ACSF3: variants seen among roughly 807,000 people sequenced by gnomAD.
ACSF3 encodes the protein malonate--CoA ligase ACSF3, mitochondrial.
Under a neutral mutation model 53.2 loss-of-function variants are expected in ACSF3, and 78 were observed. That is an observed-to-expected ratio of 1.47 (90% CI 1.22 to 1.77). The LOEUF (loss-of-function observed/expected upper bound fraction) is 1.77. Ranked by LOEUF, ACSF3 falls within the 40% of genes most tolerant of loss-of-function variation. ACSF3 has a pLI of 0.00. For missense variants in ACSF3, 937 were observed against 771.1 expected (o/e 1.22, Z -2.55); for synonymous variants, 414 against 333.1 (o/e 1.24, Z -2.65).
rs756311395 is a variant in ACSF3, at chr16:89,145,383, G to A, written c.1483G>A (p.Ala495Thr). Residue 495 changes from alanine (A) to threonine (T), a missense_variant, in exon 9 of 11, where the codon GCC (alanine) becomes ACC (threonine). Ala to Thr is a moderately conservative substitution (Grantham distance 58). Coordinates refer to ENST00000614302, the MANE Select transcript of ACSF3 (RefSeq NM_001243279.3). ...CCTGGAGGTGGAGTGGCACCTGCTG[G>A]CCCACCCCAGCATCACAGGTGCGTG... ...SALEVEWHLLAHPSITDVAVI... is the reference protein window; with the variant it reads ...SALEVEWHLLTHPSITDVAVI... 2.0e-5 allele frequency: 32 copies of A among 1,614,012 alleles called. No individual in the cohort carries two copies. Among genetic ancestry groups the A allele is most frequent in the Non-Finnish European group, 1.7e-5 (20 of 1,180,012 alleles).
intron 4 of ACSF3, among the ~76,000 whole-genome samples, chr16:89,104,985 C>T (rs1975790941): frequency 1.3e-5 from 2 of 148,232 alleles, no homozygotes; most frequent in African/African-American, 2.5e-5. Flanking sequence ...CGTGATTAGC[C>T]GTCAGCTCCC....
rs370191947 is a variant in ACSF3, at chr16:89,102,777, C to G, written c.822+18C>G. The G allele has an allele frequency of 2.5e-6, 4 of 1,601,702 alleles. No homozygotes were observed. The highest frequency in any genetic ancestry group is 3.4e-6 in the Non-Finnish European group (4 of 1,174,268). ...CTCAGCAGGTGAGTTGGGGTCAGGG[C>G]TCTCGGTTGCACCCTCAGACTAGGC... On this transcript the variant is annotated intron_variant, in intron 4 of 10. Transcript: ENST00000614302.
At chr16:89,134,827 G>C (rs560977514) in intron 8 of ACSF3, among the ~76,000 whole-genome samples, 1 of 152,206 alleles carries the variant, frequency 6.6e-6, no homozygotes, top group Non-Finnish European at 1.5e-5. Flanking sequence ...CACCTTCCCA[G>C]CTAGGCTTAG....
rs567772898 is a variant in ACSF3, at chr16:89,104,718, C to G, written c.822+1959C>G. Among the ~76,000 whole-genome samples the G allele has an allele frequency of 3.1e-4, 47 of 152,324 alleles. 1 individual carries two copies. Among genetic ancestry groups the G allele is most frequent in the African/African-American group, 1.1e-3 (46 of 41,564 alleles). ...GCAGCTTTTCTGGCCCTCCACCTCT[C>G]TGACCTTCAGTCTCATCCCCGGAAA... On this transcript the variant is annotated intron_variant, in intron 4 of 10. Transcript: ENST00000614302.
At chr16:89,094,781 G>C (rs1974418875) in intron 1 of ACSF3, among the ~76,000 whole-genome samples, 1 of 152,208 alleles carries the variant, frequency 6.6e-6, no homozygotes, top group South Asian at 2.1e-4. Context: ...TGCACTTCCA[G>C]CTACTGGTTA....
At chr16:89,109,821 A>C (rs1178096380) in intron 4 of ACSF3, among the ~76,000 whole-genome samples, 3 of 152,232 alleles carry the variant, frequency 2.0e-5, no homozygotes, top group African/African-American at 7.2e-5. Flanking sequence ...TCCTGAGCTC[A>C]AGGGATCCTC....
At chr16:89,132,328 T>C (rs1909508997) in intron 7 of ACSF3, among the ~76,000 whole-genome samples, 1 of 152,172 alleles carries the variant, frequency 6.6e-6, no homozygotes, top group African/African-American at 2.4e-5. Flanking sequence ...CTGAAGCCCC[T>C]GCTCCTTCTC....
intron 6 of ACSF3, among the ~76,000 whole-genome samples, chr16:89,118,160 G>C (rs1377611895): frequency 7.9e-6 from 1 of 125,846 alleles, no homozygotes; most frequent in African/African-American, 3.0e-5. Flanking sequence ...CTAAGGCAGA[G>C]CCTGACGGCA....
chr16:89,123,201 G>A (rs770784075), intron 7 of ACSF3, among the ~76,000 whole-genome samples: 2 of 152,180 alleles, frequency 1.3e-5, no homozygotes, highest in Non-Finnish European at 2.9e-5. Context: ...GAGGAGCACA[G>A]CCTGAGGGCC....
At chr16:89,102,292 C>A in intron 3 of ACSF3, 1 of 431,310 alleles carries the variant, frequency 2.3e-6, no homozygotes, top group Non-Finnish European at 4.3e-6. Context: ...GAGTCCCAGG[C>A]TTGGGCAGGG....
At chr16:89,129,896 GGTTA>G (rs1382399020) in intron 7 of ACSF3, among the ~76,000 whole-genome samples, 1 of 152,048 alleles carries the variant, frequency 6.6e-6, no homozygotes, top group Non-Finnish European at 1.5e-5. Flanking sequence ...CCTCCACATC[GGTTA>G]CTTACCCTCT....
intron 10 of ACSF3, chr16:89,152,192 T>C (rs1893508230): frequency 6.6e-6 from 1 of 152,234 alleles, no homozygotes; most frequent in Admixed American, 6.5e-5. Context: ...AACCGAGACG[T>C]TGGTTACACG....
intron 4 of ACSF3, among the ~76,000 whole-genome samples, chr16:89,104,824 G>T (rs1302184101): frequency 6.6e-6 from 1 of 152,248 alleles, no homozygotes; most frequent in Non-Finnish European, 1.5e-5. Context: ...TGGAGGCAAG[G>T]TCTCACAAGA....
intron 7 of ACSF3, among the ~76,000 whole-genome samples, chr16:89,124,033 C>T (rs1388657759): frequency 6.6e-6 from 1 of 151,530 alleles, no homozygotes; most frequent in African/African-American, 2.4e-5. Flanking sequence ...AGTGTGCACA[C>T]TGGTATCACA....
Position 89,155,849 on chromosome 16 carries a change from A to G in ACSF3, c.*1642A>G, listed in dbSNP as rs972249509. On this transcript the variant is annotated 3_prime_UTR_variant, in exon 11 of 11. Coordinates refer to ENST00000614302, the MANE Select transcript of ACSF3 (RefSeq NM_001243279.3). ...AATCATTTGCTTTATCCGATAGTAT[A>G]CATCAGTATATCATGCTTTCGAAAT... is the stretch of plus-strand genomic sequence containing the variant. The G allele has an allele frequency of 5.6e-5, 25 of 445,104 alleles. No individual in the cohort carries two copies. The highest frequency in any genetic ancestry group is 4.9e-4 in the African/African-American group (24 of 49,378). The allele number at this position is 445,104 out of a possible 1,614,324, so 27.6% of individuals were successfully genotyped here.
chr16:89,108,436 G>T (rs1461785219), intron 4 of ACSF3, among the ~76,000 whole-genome samples: 2 of 152,056 alleles, frequency 1.3e-5, no homozygotes, highest in Admixed American at 6.5e-5. Flanking sequence ...TGTTTTTATT[G>T]CACCTTCCCT....
chr16:89,145,849 C>A, intron 9 of ACSF3, 89 bp from the exon 10 acceptor site: 1 of 1,136,772 alleles, frequency 8.8e-7, no homozygotes, highest in Non-Finnish European at 1.3e-6. Flanking sequence ...TGCGGCCAGA[C>A]TGCGCTCTTC....
Position 89,145,512 on chromosome 16 carries a change from G to T in ACSF3, c.1501+111G>T, listed in dbSNP as rs954671262. ...GACGCCGTCCCAGCTGCCTGCAGGGGTCCCTGTGATGCTCACCTCTGGTCC... is the reference window on the plus strand; with the variant it reads ...GACGCCGTCCCAGCTGCCTGCAGGGTTCCCTGTGATGCTCACCTCTGGTCC... On this transcript the variant is annotated intron_variant, in intron 9 of 10. Transcript: ENST00000614302. 6.0e-6 allele frequency: 8 copies of T among 1,331,932 alleles called. No individual in the cohort carries two copies. The African/African-American group carries it at 1.2e-4, about 19-fold the overall frequency. 82.5% of individuals were successfully genotyped at this position (1,331,932 alleles called of 1,614,324 possible). A position where few individuals can be genotyped will look rare whatever the true frequency, so the allele number is the denominator to read the frequency against.
At chr16:89,107,866 C>G (rs1976198272) in intron 4 of ACSF3, among the ~76,000 whole-genome samples, 1 of 152,170 alleles carries the variant, frequency 6.6e-6, no homozygotes, top group African/African-American at 2.4e-5. Flanking sequence ...CCCCATTCTG[C>G]TGGTACCAAT....
Sources: gnomAD v4.1 joint callset for allele counts (sites outside exome capture counted in the v4.1 genomes callset) on GRCh38, gnomAD v4.1.1 for gene constraint, MANE v1.5 for transcripts, NCBI Gene and HGNC (gene_info 2026-07-23, HGNC 2026-07-21) for gene names.